Variants in DISC1 observed in about 807,000 individuals in gnomAD.
DISC1 encodes disrupted in schizophrenia 1 protein.
Under a neutral mutation model 84.5 loss-of-function variants are expected in DISC1, and 57 were observed. The observed-to-expected ratio is 0.67, with a 90% CI of 0.55 to 0.84. The LOEUF (loss-of-function observed/expected upper bound fraction) is 0.84, where lower values mean the gene tolerates loss of function less well. Among genes scored for constraint, DISC1 ranks in the 40% least tolerant of loss-of-function variants. The pLI, the probability that DISC1 is intolerant of heterozygous loss-of-function variation, is 0.00. For synonymous variants in DISC1, 411 were observed against 415.2 expected, an observed-to-expected ratio of 0.99 and a Z score of 0.12; for missense variants, 1,000 against 1,057.8, an observed-to-expected ratio of 0.95 and a Z score of 0.76.
At chr1:231,783,266 A>G (rs1161059401) in intron 6 of DISC1, among the ~76,000 whole-genome samples, 2 of 152,170 alleles carry the variant, frequency 1.3e-5, no homozygotes, top group African/African-American at 4.8e-5. Context: ...AGTTGAAAAT[A>G]TGGAGCTGAC....
intron 1 of DISC1, among the ~76,000 whole-genome samples, chr1:231,679,567 C>A (rs114905904): frequency 0.012 from 1,812 of 152,322 alleles, 47 homozygotes; most frequent in African/African-American, 0.042. Flanking sequence ...AAGCACACTT[C>A]AGATATTTAA....
intron 9 of DISC1, among the ~76,000 whole-genome samples, chr1:231,853,775 G>C (rs974229215): frequency 9.9e-5 from 15 of 152,218 alleles, no homozygotes; most frequent in African/African-American, 3.6e-4. Flanking sequence ...ATAGGCTCCA[G>C]GGTTGACCCA....
chr1:231,941,433 G>T (rs929112298), intron 9 of DISC1, among the ~76,000 whole-genome samples: 5 of 151,480 alleles, frequency 3.3e-5, no homozygotes, highest in Non-Finnish European at 7.4e-5. Flanking sequence ...CAACAAACGT[G>T]TATGGAGAGC....
intron 9 of DISC1, among the ~76,000 whole-genome samples, chr1:231,939,533 C>A (rs200151226): frequency 1.8e-4 from 28 of 152,292 alleles, no homozygotes; most frequent in Non-Finnish European, 3.5e-4. Flanking sequence ...GATTCACACA[C>A]GTTTCTTGTC....
At chr1:231,668,460 G>T (rs921530036) in intron 1 of DISC1, among the ~76,000 whole-genome samples, 2 of 152,132 alleles carry the variant, frequency 1.3e-5, no homozygotes, top group African/African-American at 4.8e-5. Flanking sequence ...GGCCATTCCT[G>T]TCCAGGTGTG....
At chr1:231,807,824 AC>A (rs1467292912) in intron 8 of DISC1, among the ~76,000 whole-genome samples, 1 of 152,242 alleles carries the variant, frequency 6.6e-6, no homozygotes, top group Non-Finnish European at 1.5e-5. Flanking sequence ...CTATTTTGGC[AC>A]AAGATGAAGG....
intron 3 of DISC1, chr1:231,724,015 T>C (rs2070262859): frequency 4.1e-6 from 4 of 985,416 alleles, no homozygotes; most frequent in Non-Finnish European, 4.8e-6. Context: ...TGCAGCCCAC[T>C]CTGATATTGT....
chr1:231,864,895 T>C (rs2125932917), intron 9 of DISC1, among the ~76,000 whole-genome samples: 1 of 152,282 alleles, frequency 6.6e-6, no homozygotes, highest in Middle Eastern at 3.4e-3. Flanking sequence ...AAAGTAGCAG[T>C]CTAATTATTT....
At chr1:231,886,193 T>A (rs1322384316) in intron 9 of DISC1, among the ~76,000 whole-genome samples, 3 of 152,162 alleles carry the variant, frequency 2.0e-5, no homozygotes, top group Non-Finnish European at 4.4e-5. Context: ...ACTGCCACAT[T>A]GGGGATCAGA....
At position 231,818,326 on chromosome 1, in the gene DISC1, T is replaced by G. The variant is rs751064054; in HGVS notation, c.1793-3T>G. On this transcript the variant is annotated splice_polypyrimidine_tract_variant and splice_region_variant and intron_variant, in intron 8 of 12. Coordinates refer to ENST00000439617, the MANE Select transcript of DISC1 (RefSeq NM_018662.3). The stretch of plus-strand genomic sequence containing the variant: ...CCTTCTTCTCTCCCACAACGTGCTG[T>G]AGGAAACCATTTCTGGACGGCTAAA... 2.5e-6 allele frequency: 4 copies of G among 1,613,652 alleles called. No individual in the cohort carries two copies. Among genetic ancestry groups the G allele is most frequent in the Non-Finnish European group, 3.4e-6 (4 of 1,179,810 alleles).
intron 1 of DISC1, among the ~76,000 whole-genome samples, chr1:231,693,618 G>A (rs970960982): frequency 1.3e-5 from 2 of 152,202 alleles, no homozygotes; most frequent in African/African-American, 2.4e-5. Context: ...GAGATGCTGT[G>A]TTGATTTCTA....
At chr1:231,885,585 C>T (rs756719734) in intron 9 of DISC1, among the ~76,000 whole-genome samples, 1 of 152,214 alleles carries the variant, frequency 6.6e-6, no homozygotes, top group African/African-American at 2.4e-5. Flanking sequence ...TCCCCTCTTT[C>T]AAGTACCTTC....
chr1:231,750,720 T>A, intron 4 of DISC1: 1 of 374,304 alleles, frequency 2.7e-6, no homozygotes, highest in Non-Finnish European at 3.7e-6. Flanking sequence ...TTGGCATGCT[T>A]AAAAAGGCTG....
intron 2 of DISC1, among the ~76,000 whole-genome samples, chr1:231,696,477 A>G (rs965530490): frequency 5.3e-5 from 8 of 152,216 alleles, no homozygotes; most frequent in Non-Finnish European, 1.5e-5. Context: ...CTTATCTCAA[A>G]TGGTAGAATC....
At chr1:231,628,725 C>T (rs2058462177) in intron 1 of DISC1, among the ~76,000 whole-genome samples, 1 of 152,110 alleles carries the variant, frequency 6.6e-6, no homozygotes, top group Non-Finnish European at 1.5e-5. Context: ...CAGAACAGAC[C>T]TATATTAGAA....
At chr1:231,680,397 A>T (rs1017848079) in intron 1 of DISC1, among the ~76,000 whole-genome samples, 1 of 151,744 alleles carries the variant, frequency 6.6e-6, no homozygotes, top group African/African-American at 2.4e-5. Flanking sequence ...GTTACAGGTC[A>T]TGCTCAGCAC....
intron 8 of DISC1, among the ~76,000 whole-genome samples, chr1:231,807,548 T>C (rs1210144127): frequency 6.6e-6 from 1 of 152,228 alleles, no homozygotes; most frequent in Admixed American, 6.5e-5. Flanking sequence ...GAATCTGTTG[T>C]TTTCATACCT....
chr1:231,664,148 A>G (rs1366645931), intron 1 of DISC1, among the ~76,000 whole-genome samples: 1 of 152,092 alleles, frequency 6.6e-6, no homozygotes, highest in Non-Finnish European at 1.5e-5. Flanking sequence ...TGTTTTTCAG[A>G]TGAGGAAACT....
chr1:231,706,387 A>G (rs1429910147), intron 3 of DISC1, among the ~76,000 whole-genome samples: 2 of 152,162 alleles, frequency 1.3e-5, no homozygotes, highest in Non-Finnish European at 2.9e-5. Context: ...GGCGTGGGCA[A>G]CAAGTTTCTA....
Sources: gnomAD v4.1 joint callset for allele counts (sites outside exome capture counted in the v4.1 genomes callset) on GRCh38, gnomAD v4.1.1 for gene constraint, MANE v1.5 for transcripts, NCBI Gene and HGNC (gene_info 2026-07-23, HGNC 2026-07-21) for gene names.